The following SLC4A9 variants were observed in gnomAD, a reference collection of about 807,000 sequenced individuals.
SLC4A9 encodes the protein anion exchange protein 4.
SLC4A9 carries 102 observed loss-of-function variants against 103.2 expected under a neutral mutation model. That is an observed-to-expected ratio of 0.99 (90% CI 0.84 to 1.17). The LOEUF is 1.17. Ranked by LOEUF, SLC4A9 falls within the 50% of genes most tolerant of loss-of-function variation. SLC4A9 has a pLI of 0.00. For missense variants in SLC4A9, 1,091 were observed against 1,193.7 expected (o/e 0.91, Z 1.27); for synonymous variants, 453 against 483.6 (o/e 0.94, Z 0.83).
rs150029055 is a variant in SLC4A9 at position 140,360,634 on chromosome 5, C to G, written c.230+168C>G. ...CATGATGCCCAGCCTCCTCTGCAGT[C>G]TAGTTTTGAGATCCCCAAGACCCTA... On this transcript the variant is annotated intron_variant, in intron 1 of 21. Transcript: ENST00000506757. The G allele has an allele frequency of 2.8e-5, 32 of 1,157,076 alleles. No homozygotes were observed. In the East Asian group the frequency reaches 8.2e-4, roughly 30 times the overall value. The allele number at this position is 1,157,076 out of a possible 1,614,324, so 71.7% of individuals were successfully genotyped here.
chr5:140,362,427 GC>G lies in SLC4A9; in HGVS notation c.720-16del. 1 of 1,611,982 alleles carries G rather than the reference GC, an allele frequency of 6.2e-7. No individual in the cohort carries two copies. Among genetic ancestry groups the G allele is most frequent in the Middle Eastern group, 1.7e-4 (1 of 6,056 alleles). On this transcript the variant is annotated splice_polypyrimidine_tract_variant and intron_variant, in intron 5 of 21. Coordinates refer to ENST00000506757, the MANE Select transcript of SLC4A9 (RefSeq NM_031467.3). ...GGAAAGCAGCCTGTGAATCTCTGGG[GC>G]CTGGTTCCTTCCTCAGGTTTTTCTG...
Position 140,362,549 on chromosome 5 carries a change from T to G in SLC4A9, c.807+17T>G. ...AGTGACCCGGTGAGCTGAGCAGGTG[T>G]GTGTGTGTGCGCGCGCACGCGTGCA... On this transcript the variant is annotated intron_variant, in intron 6 of 21. Coordinates refer to ENST00000506757, the MANE Select transcript of SLC4A9 (RefSeq NM_031467.3). The G allele has an allele frequency of 6.2e-7, 1 of 1,611,600 alleles. No homozygotes were observed. The highest frequency in any genetic ancestry group is 8.5e-7 in the Non-Finnish European group (1 of 1,177,816).
At chr5:140,364,774 A>T (rs1175602668) in intron 11 of SLC4A9, 149 bp downstream of exon 11, 1 of 976,230 alleles carries the variant, frequency 1.0e-6, no homozygotes, top group African/African-American at 1.6e-5. Flanking sequence ...TCTGGTTCTG[A>T]ATCAATTGAG....
In SLC4A9 at chr5:140,363,837, C is replaced by T; in HGVS notation, c.1189C>T (p.Leu397=). 1 of 1,614,040 alleles carries T rather than the reference C, an allele frequency of 6.2e-7. No individual in the cohort carries two copies. Among genetic ancestry groups the T allele is most frequent in the Non-Finnish European group, 8.5e-7 (1 of 1,179,888 alleles). ...QCFSAVLYIY[L]ATVTNAITFG... ...CTTCTCGGCCGTACTCTACATTTAC[C>T]TGGCCACTGTCACTAATGCCATCAC... is the stretch of plus-strand genomic sequence containing the variant. The change falls in exon 9 of 22, where the codon CTG becomes TTG. Residue 397 remains leucine, a synonymous_variant. Coordinates refer to ENST00000506757, the MANE Select transcript of SLC4A9 (RefSeq NM_031467.3). The surrounding 1 kb of genome is among the most constrained non-coding windows in gnomAD (Gnocchi z 4.5).
chr5:140,362,208 C>A, intron 5 of SLC4A9, 34 bp downstream of exon 5: 1 of 1,491,352 alleles, frequency 6.7e-7, no homozygotes, highest in East Asian at 2.4e-5. Context: ...GTCAGGGATC[C>A]CAGAACCTAG....
chr5:140,372,472 T>C, intron 20 of SLC4A9, 75 bp downstream of exon 20: 1 of 1,571,708 alleles, frequency 6.4e-7, no homozygotes. Context: ...GAGCTGTCCC[T>C]AAATAATATC....
Position 140,368,658 on chromosome 5 carries a change from A to G in SLC4A9, c.2426A>G (p.Lys809Arg). Reference sequence around the variant, plus strand: ...TCCATCTTCCTGGCACCTGTGCTCAAGGTACCTTTGTTATACAAGCCAGGA... The same window carrying G: ...TCCATCTTCCTGGCACCTGTGCTCAGGGTACCTTTGTTATACAAGCCAGGA... ...GASIFLAPVL[K>R]FIPMPVLYGI... The change falls in exon 17 of 22, where the codon AAG becomes AGG. Residue 809 changes from lysine (K) to arginine (R), a missense_variant and splice_region_variant. By Grantham distance (26) the Lys-to-Arg change is conservative. Transcript: ENST00000506757. 1 of 1,613,126 alleles carries G rather than the reference A, an allele frequency of 6.2e-7. No homozygotes were observed. The highest frequency in any genetic ancestry group is 8.5e-7 in the Non-Finnish European group (1 of 1,179,440).
chr5:140,367,864 G>A lies in SLC4A9; in HGVS notation c.2320G>A (p.Ala774Thr), dbSNP rs1768126539. Reference protein sequence around the residue: ...DSLRRESRACAPGERPNFLGI... With the variant: ...DSLRRESRACTPGERPNFLGI... ...TCTTCGGAGAGAGAGCAGAGCCTGT[G>A]CCCCCGGGGAGCGCCCCAACTTCCT... The change falls in exon 16 of 22, where the codon GCC becomes ACC. Residue 774 changes from alanine to threonine, a missense_variant. By Grantham distance (58) the Ala-to-Thr change is moderately conservative. Coordinates refer to ENST00000506757, the MANE Select transcript of SLC4A9 (RefSeq NM_031467.3). 7.4e-6 allele frequency: 12 copies of A among 1,613,920 alleles called. No homozygotes were observed. The highest frequency in any genetic ancestry group is 1.0e-5 in the Non-Finnish European group (12 of 1,179,862).
At position 140,362,959 on chromosome 5, in the gene SLC4A9, G is replaced by A; in HGVS notation, c.855G>A (p.Leu285=). Residue 285 remains leucine (L), a synonymous_variant, in exon 7 of 22, where the codon CTG becomes CTA. Transcript: ENST00000506757. ...GGGCCAGCAACCTTCATGACCTTCT[G>A]GCAGCCCTGGATGCATTCCTAGAGG... ...VRRASNLHDL[L]AALDAFLEEV... is the part of the protein sequence containing the mutation. 1 of 1,613,740 alleles carries A rather than the reference G, an allele frequency of 6.2e-7. No individual in the cohort carries two copies. The highest frequency in any genetic ancestry group is 8.5e-7 in the Non-Finnish European group (1 of 1,179,812).
At chr5:140,373,184 C>T (rs374791098) in intron 21 of SLC4A9, among the ~76,000 whole-genome samples, 14 of 151,934 alleles carry the variant, frequency 9.2e-5, no homozygotes, top group African/African-American at 3.4e-4. Context: ...GCCTGGTGCT[C>T]CTTTCCCTTG....
intron 11 of SLC4A9, among the ~76,000 whole-genome samples, chr5:140,365,151 A>G (rs1409300441): frequency 6.6e-6 from 1 of 152,204 alleles, no homozygotes; most frequent in Non-Finnish European, 1.5e-5. Context: ...ATGGAAGGCA[A>G]CCCCAGGACT....
intron 3 of SLC4A9, 111 bp downstream of exon 3, chr5:140,361,478 C>T (rs1767077025): frequency 1.2e-6 from 1 of 865,746 alleles, no homozygotes; most frequent in African/African-American, 1.7e-5. Context: ...AGGCTCCAAC[C>T]CAGGACTCAT....
In SLC4A9 at chr5:140,362,901, C is replaced by T; in HGVS notation, c.808-11C>T. 6.2e-7 allele frequency: 1 copy of T among 1,613,938 alleles called. No homozygotes were observed. Among genetic ancestry groups the T allele is most frequent in the Non-Finnish European group, 8.5e-7 (1 of 1,179,870 alleles). ...TTGCACTTACCACCCATTCTGTGCC[C>T]CCATTCCCAGCAATTCCAGTGGTCA... is the stretch of plus-strand genomic sequence containing the variant. On this transcript the variant is annotated splice_polypyrimidine_tract_variant and intron_variant, in intron 6 of 21. Transcript: ENST00000506757.
rs542951258 is a variant in SLC4A9, at chr5:140,373,764, G to A, written c.*45+921G>A. ...GTGAATAGCCAGTGCACTCCAGCCT[G>A]GGCAACATAGTGAGATCCTGTCTCT... On this transcript the variant is annotated intron_variant, in intron 21 of 21. Coordinates refer to ENST00000506757, the MANE Select transcript of SLC4A9 (RefSeq NM_031467.3). 1.5e-3 allele frequency among the ~76,000 whole-genome samples: 229 copies of A among 152,212 alleles called. 3 individuals carry two copies. Among genetic ancestry groups the A allele is most frequent in the Middle Eastern group, 0.01 (3 of 294 alleles).
Position 140,360,985 on chromosome 5 carries a change from C to T in SLC4A9, c.391+13C>T, listed in dbSNP as rs115481310. On this transcript the variant is annotated intron_variant, in intron 2 of 21. Coordinates refer to ENST00000506757, the MANE Select transcript of SLC4A9 (RefSeq NM_031467.3). ...CTGGAGCTCGTGGGTAGGCTGGGAT[C>T]CTTTGCAGGAAGGGCCTGGGTAGCC... 1,255 of 1,556,052 alleles carry T rather than the reference C, an allele frequency of 8.1e-4. 2 individuals are homozygous for T. The highest frequency in any genetic ancestry group is 6.7e-3 in the Middle Eastern group (32 of 4,784).
chr5:140,372,695 A>G lies in SLC4A9; in HGVS notation c.2827-50A>G, dbSNP rs1171690744. On this transcript the variant is annotated intron_variant, in intron 20 of 21. Transcript: ENST00000506757. The stretch of plus-strand genomic sequence containing the variant: ...GTTTACCTCTATGTTGTCTTTCACT[A>G]TCTGTCTTTCTATCTATTCTCAATC... 1.0e-5 allele frequency: 15 copies of G among 1,489,962 alleles called. No individual in the cohort carries two copies. The Admixed American group carries it at 2.3e-4, about 23-fold the overall frequency. 92.3% of individuals were successfully genotyped at this position (1,489,962 alleles called of 1,614,324 possible).
rs140990806 is a variant in SLC4A9, at chr5:140,363,757, G to A, written c.1109G>A (p.Arg370His). 5.6e-4 allele frequency: 909 copies of A among 1,613,914 alleles called. 1 individual carries two copies. In the African/African-American group the frequency reaches 6.2e-3, roughly 11 times the overall value. The stretch of plus-strand genomic sequence containing the variant: ...TTTGGGGGCCTTATCCAGGACGTGC[G>A]CAGGAAGGTCCCGTGGTACCCCAGC... Reference protein sequence around the residue: ...RLFGGLIQDVRRKVPWYPSDF... With the variant: ...RLFGGLIQDVHRKVPWYPSDF... Residue 370 changes from arginine (R) to histidine (H), a missense_variant, in exon 9 of 22, where the codon CGC becomes CAC. Coordinates refer to ENST00000506757, the MANE Select transcript of SLC4A9 (RefSeq NM_031467.3). The surrounding 1 kb of genome is among the most constrained non-coding windows in gnomAD (Gnocchi z 4.5).
At chr5:140,374,550 CAAAAAA>C (rs70988749) in intron 21 of SLC4A9, among the ~76,000 whole-genome samples, 314 of 47,694 alleles carry the variant, frequency 6.6e-3, no homozygotes, top group Non-Finnish European at 9.8e-3. Context: ...AACTCCCTCT[CAAAAAA>C]AAAAAAAAAA....
chr5:140,363,208 T>G lies in SLC4A9; in HGVS notation c.962+142T>G. The G allele has an allele frequency of 8.6e-7, 1 of 1,160,282 alleles. No homozygotes were observed. The highest frequency in any genetic ancestry group is 1.2e-6 in the Non-Finnish European group (1 of 820,788). The allele number at this position is 1,160,282 out of a possible 1,614,324, so 71.9% of individuals were successfully genotyped here. On this transcript the variant is annotated intron_variant, in intron 7 of 21. Coordinates refer to ENST00000506757, the MANE Select transcript of SLC4A9 (RefSeq NM_031467.3). The surrounding 1 kb of genome is among the most constrained non-coding windows in gnomAD (Gnocchi z 4.5). ...GAGTCAGGCAGACCTAACTCTGAGTTCTGCTGGACTACTCTCTCGCTAAGA... is the reference window on the plus strand; with the variant it reads ...GAGTCAGGCAGACCTAACTCTGAGTGCTGCTGGACTACTCTCTCGCTAAGA...
Sources: gnomAD v4.1 joint callset for allele counts (sites outside exome capture counted in the v4.1 genomes callset) on GRCh38, gnomAD v4.1.1 for gene constraint, Gnocchi (gnomAD v3.1) non-coding constraint, MANE v1.5 for transcripts, NCBI Gene and HGNC (gene_info 2026-07-23, HGNC 2026-07-21) for gene names.